The following ACYP2 variants were observed in gnomAD, a reference collection of about 807,000 sequenced individuals.
The protein encoded by ACYP2 is acylphosphatase 2.
Under a neutral mutation model 11.2 loss-of-function variants are expected in ACYP2, and 12 were observed. That is an observed-to-expected ratio of 1.08 (90% CI 0.69 to 1.74). The LOEUF (loss-of-function observed/expected upper bound fraction) is 1.74, where lower values mean the gene tolerates loss of function less well. Among genes scored for constraint, ACYP2 ranks in the 40% most tolerant of loss-of-function variants. The pLI, the probability that ACYP2 is intolerant of heterozygous loss-of-function variation, is 0.00. For missense variants in ACYP2, 134 were observed against 101.9 expected, an observed-to-expected ratio of 1.31 and a Z score of -1.35; for synonymous variants, 43 against 32.2, an observed-to-expected ratio of 1.33 and a Z score of -1.13.
intron 4 of ACYP2, among the ~76,000 whole-genome samples, chr2:54,096,994 G>T (rs1480708772): frequency 6.6e-6 from 1 of 152,166 alleles, no homozygotes; most frequent in East Asian, 1.9e-4. Context: ...ACAGGCATGA[G>T]CCCCCACATC....
chr2:54,237,269 G>C (rs1686526126), intron 6 of ACYP2, among the ~76,000 whole-genome samples: 1 of 152,076 alleles, frequency 6.6e-6, no homozygotes, highest in South Asian at 2.1e-4. Flanking sequence ...TATGCTATTG[G>C]CACATGTTTT....
At chr2:54,116,139 G>C (rs1281609170) in intron 4 of ACYP2, among the ~76,000 whole-genome samples, 2 of 152,186 alleles carry the variant, frequency 1.3e-5, no homozygotes, top group Non-Finnish European at 2.9e-5. Flanking sequence ...CTTGACTTGA[G>C]TTTTAGGAAG....
At chr2:54,082,057 T>C (rs1677684723) in intron 4 of ACYP2, among the ~76,000 whole-genome samples, 1 of 152,186 alleles carries the variant, frequency 6.6e-6, no homozygotes, top group African/African-American at 2.4e-5. Context: ...AAACCCCCTG[T>C]CCTGCCCCAG....
At chr2:54,209,727 C>T (rs1259628337) in intron 6 of ACYP2, among the ~76,000 whole-genome samples, 2 of 152,158 alleles carry the variant, frequency 1.3e-5, no homozygotes, top group African/African-American at 4.8e-5. Context: ...GGTTCCTTTT[C>T]CTGATTGCAT....
At chr2:54,234,410 T>C (rs1346364542) in intron 6 of ACYP2, among the ~76,000 whole-genome samples, 1 of 152,230 alleles carries the variant, frequency 6.6e-6, no homozygotes, top group East Asian at 1.9e-4. Flanking sequence ...TTCATGATCA[T>C]ACTGGTAAAG....
intron 6 of ACYP2, chr2:54,254,834 G>C (rs1687415377): frequency 1.5e-6 from 2 of 1,350,560 alleles, no homozygotes; most frequent in African/African-American, 2.9e-5. Context: ...AAAAAGTAAA[G>C]GGCATACCTA....
intron 6 of ACYP2, among the ~76,000 whole-genome samples, chr2:54,286,979 T>C (rs907439319): frequency 2.0e-5 from 3 of 152,054 alleles, no homozygotes; most frequent in Non-Finnish European, 2.9e-5. Flanking sequence ...ACATAATTAT[T>C]TAACTACATA....
At chr2:54,275,790 G>T (rs905218816) in intron 6 of ACYP2, among the ~76,000 whole-genome samples, 1 of 152,126 alleles carries the variant, frequency 6.6e-6, no homozygotes, top group Admixed American at 6.5e-5. Context: ...GCTTTATAAT[G>T]AACATCCAAG....
chr2:54,282,029 G>A (rs1450138067), intron 6 of ACYP2, among the ~76,000 whole-genome samples: 1 of 152,112 alleles, frequency 6.6e-6, no homozygotes, highest in East Asian at 1.9e-4. Flanking sequence ...GAGCCAAAGT[G>A]ACTGTTGCTA....
intron 6 of ACYP2, among the ~76,000 whole-genome samples, chr2:54,173,199 C>A (rs1282573179): frequency 6.6e-6 from 1 of 152,232 alleles, no homozygotes; most frequent in Non-Finnish European, 1.5e-5. Flanking sequence ...ACATCCTCTC[C>A]AGCATCTGTT....
intron 6 of ACYP2, among the ~76,000 whole-genome samples, chr2:54,238,780 A>T (rs1686608540): frequency 6.6e-6 from 1 of 152,042 alleles, no homozygotes; most frequent in African/African-American, 2.4e-5. Context: ...TTTATAGTAT[A>T]AAATTATTGT....
At position 54,003,362 on chromosome 2, in the gene ACYP2, C is replaced by T. The variant is rs138335127; in HGVS notation, c.62+29552C>T. On this transcript the variant is annotated intron_variant, in intron 2 of 6. Coordinates refer to ENST00000607452, the MANE Select transcript of ACYP2 (RefSeq NM_001320586.2). ...GCAACCTCCGCCTCCCAAGTTCAAG[C>T]GATTCTCCTGCCTCAGCCTCCTGAG... 9.7e-3 allele frequency among the ~76,000 whole-genome samples: 1,473 copies of T among 151,910 alleles called. 20 individuals carry two copies. Among genetic ancestry groups the T allele is most frequent in the African/African-American group, 0.034 (1,411 of 41,408 alleles).
At position 54,010,836 on chromosome 2, in the gene ACYP2, T is replaced by C. The variant is rs190999858; in HGVS notation, c.62+37026T>C. On this transcript the variant is annotated intron_variant, in intron 2 of 6. Coordinates refer to ENST00000607452, the MANE Select transcript of ACYP2 (RefSeq NM_001320586.2). The stretch of plus-strand genomic sequence containing the variant: ...GTCATGCGCCACTACACCTGGCTAA[T>C]TTTTGTATTTTCAGTAGAGACCAGG... Among the ~76,000 whole-genome samples the C allele has an allele frequency of 7.5e-4, 111 of 147,912 alleles. 1 individual carries two copies. The highest frequency in any genetic ancestry group is 3.5e-3 in the Middle Eastern group (1 of 286).
At chr2:54,041,540 A>G (rs1273132295) in intron 2 of ACYP2, among the ~76,000 whole-genome samples, 1 of 152,156 alleles carries the variant, frequency 6.6e-6, no homozygotes, top group Non-Finnish European at 1.5e-5. Context: ...AAAACTTATG[A>G]TCATGAATTT....
chr2:54,138,900 C>G (rs1369632405), intron 6 of ACYP2, 152 bp downstream of exon 3: 2 of 648,216 alleles, frequency 3.1e-6, no homozygotes, highest in Non-Finnish European at 5.4e-6. Flanking sequence ...TCAGATCTCC[C>G]CGACTCAGCC....
At chr2:54,299,986 C>T (rs1362020469) in intron 6 of ACYP2, among the ~76,000 whole-genome samples, 8 of 152,102 alleles carry the variant, frequency 5.3e-5, no homozygotes. Flanking sequence ...TTATTCAATC[C>T]CTCAACTCTT....
intron 6 of ACYP2, among the ~76,000 whole-genome samples, chr2:54,168,110 G>C (rs78268125): frequency 0.066 from 9,974 of 152,096 alleles, 484 homozygotes; most frequent in East Asian, 0.23. Flanking sequence ...ATTGTCTTCA[G>C]ACAAAACCAC....
At chr2:54,185,402 C>T (rs3850348) in intron 6 of ACYP2, among the ~76,000 whole-genome samples, 10,263 of 152,188 alleles carry the variant, frequency 0.067, 524 homozygotes, top group East Asian at 0.25. Context: ...GATGAAAATA[C>T]ATGTGTTATT....
chr2:54,054,354 T>G (rs1483133401), intron 3 of ACYP2, among the ~76,000 whole-genome samples: 1 of 152,240 alleles, frequency 6.6e-6, no homozygotes, highest in African/African-American at 2.4e-5. Context: ...TTCTTTTGCT[T>G]CTTTCTCTTT....
Sources: gnomAD v4.1 joint callset for allele counts (sites outside exome capture counted in the v4.1 genomes callset) on GRCh38, gnomAD v4.1.1 for gene constraint, MANE v1.5 for transcripts, NCBI Gene and HGNC (gene_info 2026-07-23, HGNC 2026-07-21) for gene names.